DCAF4L2: variants seen among roughly 807,000 people sequenced by gnomAD.
The protein encoded by DCAF4L2 is DDB1 and CUL4 associated factor 4 like 2, also known as DDB1- and CUL4-associated factor 4-like protein 2.
In DCAF4L2, 13 loss-of-function variants were observed where a neutral mutation model predicts 15.5. The ratio of observed to expected loss-of-function variants is 0.84; its 90% CI spans 0.54 to 1.33. DCAF4L2 has a LOEUF of 1.33. Among genes scored for constraint, DCAF4L2 ranks in the 40% most tolerant of loss-of-function variants. The pLI is 0.00. For synonymous variants in DCAF4L2, 251 were observed against 207.0 expected (o/e 1.21, Z -1.83); for missense variants, 519 against 509.6 (o/e 1.02, Z -0.18).
At position 87,872,957 on chromosome 8, in the gene DCAF4L2, T is replaced by G; in HGVS notation, c.1015A>C (p.Arg339=). 11 of 1,614,152 alleles carry G rather than the reference T, an allele frequency of 6.8e-6. No homozygotes were observed. Among genetic ancestry groups the G allele is most frequent in the Non-Finnish European group, 8.5e-6 (10 of 1,180,020 alleles). The change falls in exon 1 of 1, where the codon AGA becomes CGA. Residue 339 remains arginine (R), a synonymous_variant. Transcript: ENST00000319675. ...TGGCCATGACGGAGGCTCCAGATTC[T>G]CGTGTAGCAGTCCTGGCCCACGGCC... ...VAAVGQDCYT[R]IWSLRHGHLL...
At position 87,873,616 on chromosome 8, in the gene DCAF4L2, G is replaced by A. The variant is rs753844924; in HGVS notation, c.356C>T (p.Thr119Ile). 1.9e-6 allele frequency: 3 copies of A among 1,614,204 alleles called. No individual in the cohort carries two copies. The highest frequency in any genetic ancestry group is 8.5e-7 in the Non-Finnish European group (1 of 1,180,044). Residue 119 changes from threonine to isoleucine, a missense_variant, in exon 1 of 1, where the codon ACC becomes ATC. By Grantham distance (89) the Thr-to-Ile change is moderately conservative. Coordinates refer to ENST00000319675, the MANE Select transcript of DCAF4L2 (RefSeq NM_152418.4). The stretch of plus-strand genomic sequence containing the variant: ...CACCTTCCGATTAGGGACGTAGAGG[G>A]TTTTGTGCGGGTATACCCGGAGCTC... ...TPELRVYPHK[T>I]LYVPNRKVNS...
In DCAF4L2 at chr8:87,872,739, T is replaced by C; in HGVS notation, c.*45A>G. The C allele has an allele frequency of 6.6e-7, 1 of 1,515,602 alleles. No individual in the cohort carries two copies. The highest frequency in any genetic ancestry group is 1.4e-5 in the African/African-American group (1 of 71,768). 93.9% of individuals were successfully genotyped at this position (1,515,602 alleles called of 1,614,324 possible). Reference sequence around the variant, plus strand: ...GAAACGGTAATACGATGCTCTTTACTTCTTTAAGTCAAATCCACGTTCCTC... The same window carrying C: ...GAAACGGTAATACGATGCTCTTTACCTCTTTAAGTCAAATCCACGTTCCTC... On this transcript the variant is annotated 3_prime_UTR_variant, in exon 1 of 1. Coordinates refer to ENST00000319675, the MANE Select transcript of DCAF4L2 (RefSeq NM_152418.4).
rs771523691 is a variant in DCAF4L2 at position 87,873,656 on chromosome 8, C to T, written c.316G>A (p.Gly106Ser). 4 of 1,614,166 alleles carry T rather than the reference C, an allele frequency of 2.5e-6. No individual in the cohort carries two copies. The highest frequency in any genetic ancestry group is 2.5e-6 in the Non-Finnish European group (3 of 1,180,040). Residue 106 changes from glycine to serine, a missense_variant, in exon 1 of 1, where the codon GGC becomes AGC. Coordinates refer to ENST00000319675, the MANE Select transcript of DCAF4L2 (RefSeq NM_152418.4). ...ACCCGGAGCTCAGGGGTCGTCAGGC[C>T]TCGCATGGTGATGATGCCGTACTTG... ...GSKYGIITMRGLTTPELRVYP... is the reference protein window; with the variant it reads ...GSKYGIITMRSLTTPELRVYP...
In DCAF4L2 at chr8:87,872,935, C is replaced by T. The variant is rs780634469; in HGVS notation, c.1037G>A (p.Gly346Asp). 3.7e-6 allele frequency: 6 copies of T among 1,614,176 alleles called. No individual in the cohort carries two copies. In the South Asian group the frequency reaches 6.6e-5, roughly 18 times the overall value. ...CYTRIWSLRH[G>D]HLLTTIPSPY... ...GGAGGGTATGGTTGTGAGCAGGTGG[C>T]CATGACGGAGGCTCCAGATTCTCGT... The change falls in exon 1 of 1, where the codon GGC becomes GAC. Residue 346 changes from glycine to aspartate, a missense_variant. By Grantham distance (94) the Gly-to-Asp change is moderately conservative (BLOSUM62 -1). Transcript: ENST00000319675.
Position 87,872,721 on chromosome 8 carries a change from T to C in DCAF4L2, c.*63A>G. The C allele has an allele frequency of 6.8e-7, 1 of 1,474,780 alleles. No individual in the cohort carries two copies. Among genetic ancestry groups the C allele is most frequent in the Admixed American group, 2.4e-5 (1 of 41,676 alleles). The allele number at this position is 1,474,780 out of a possible 1,614,324, so 91.4% of individuals were successfully genotyped here. The stretch of plus-strand genomic sequence containing the variant: ...TCTTAAAATGCGCTCATAGAAACGG[T>C]AATACGATGCTCTTTACTTCTTTAA... On this transcript the variant is annotated 3_prime_UTR_variant, in exon 1 of 1. Transcript: ENST00000319675.
Position 87,873,487 on chromosome 8 carries a change from G to T in DCAF4L2, c.485C>A (p.Ser162Ter), listed in dbSNP as rs748853957. Reference protein sequence around the residue: ...TPSCAVLLPASLFIGSFPGMR... With the variant: ...TPSCAVLLPA ...TCCTGGGAAGCTACCTATGAACAGCGACGCTGGGAGCAGCACGGCACAGCT... is the reference window on the plus strand; with the variant it reads ...TCCTGGGAAGCTACCTATGAACAGCTACGCTGGGAGCAGCACGGCACAGCT... Residue 162 changes from serine (S) to a stop codon, truncating the protein, a stop_gained, in exon 1 of 1, where the codon TCG becomes TAG. Coordinates refer to ENST00000319675, the MANE Select transcript of DCAF4L2 (RefSeq NM_152418.4). LOFTEE classifies it high-confidence loss of function. 6.2e-7 allele frequency: 1 copy of T among 1,614,200 alleles called. No individual in the cohort carries two copies.
chr8:87,871,883 T>C lies in DCAF4L2; in HGVS notation c.*901A>G, dbSNP rs1363569432. ...TTTAGCATATTGTAAAGTGAGATCA[T>C]TTCCAGGCTTTGGCTATTAAGAAGT... On this transcript the variant is annotated 3_prime_UTR_variant, in exon 1 of 1. Coordinates refer to ENST00000319675, the MANE Select transcript of DCAF4L2 (RefSeq NM_152418.4). 1 of 155,718 alleles carries C rather than the reference T, an allele frequency of 6.4e-6. No homozygotes were observed. Among genetic ancestry groups the C allele is most frequent in the East Asian group, 1.9e-4 (1 of 5,188 alleles). The allele number at this position is 155,718 out of a possible 1,614,324, so 9.6% of individuals were successfully genotyped here.
rs907913338 is a variant in DCAF4L2, at chr8:87,872,284, T to C, written c.*500A>G. On this transcript the variant is annotated 3_prime_UTR_variant, in exon 1 of 1. Coordinates refer to ENST00000319675, the MANE Select transcript of DCAF4L2 (RefSeq NM_152418.4). ...AAGGCCAAGTTTAATGATTCCAAAA[T>C]GTAGCCTTAAAAACTTCTGGAGAGA... is the stretch of plus-strand genomic sequence containing the variant. 6.5e-6 allele frequency: 1 copy of C among 154,932 alleles called. No individual in the cohort carries two copies. Among genetic ancestry groups the C allele is most frequent in the Non-Finnish European group, 1.5e-5 (1 of 68,312 alleles). The allele number at this position is 154,932 out of a possible 1,614,324, so 9.6% of individuals were successfully genotyped here.
rs199898936 is a variant in DCAF4L2 at position 87,873,087 on chromosome 8, C to T, written c.885G>A (p.Lys295=). 1 of 1,614,166 alleles carries T rather than the reference C, an allele frequency of 6.2e-7. No homozygotes were observed. Among genetic ancestry groups the T allele is most frequent in the Non-Finnish European group, 8.5e-7 (1 of 1,180,044 alleles). The change falls in exon 1 of 1, where the codon AAG becomes AAA. Residue 295 remains lysine (K), a synonymous_variant. Coordinates refer to ENST00000319675, the MANE Select transcript of DCAF4L2 (RefSeq NM_152418.4). ...LVSSDMTGTI[K]LWDLRATKCV... is the part of the protein sequence containing the mutation. Reference sequence around the variant, plus strand: ...ATTTAGTGGCCCTCAAGTCCCACAGCTTGATAGTTCCAGTCATGTCTGATG... The same window carrying T: ...ATTTAGTGGCCCTCAAGTCCCACAGTTTGATAGTTCCAGTCATGTCTGATG...
In DCAF4L2 at chr8:87,873,313, G is replaced by A. The variant is rs180807114; in HGVS notation, c.659C>T (p.Ser220Leu). 8 of 1,614,170 alleles carry A rather than the reference G, an allele frequency of 5.0e-6. No individual in the cohort carries two copies. The Admixed American group carries it at 1.2e-4, about 24-fold the overall frequency. ...LTNVVTGHQQSFGTSSDVLAQ... is the reference protein window; with the variant it reads ...LTNVVTGHQQLFGTSSDVLAQ... ...CAAGACATCACTGCTAGTCCCAAAT[G>A]ACTGCTGGTGTCCCGTCACCACGTT... Residue 220 changes from serine (S) to leucine (L), a missense_variant, in exon 1 of 1, where the codon TCA becomes TTA. Ser to Leu is a moderately radical substitution (Grantham distance 145). Coordinates refer to ENST00000319675, the MANE Select transcript of DCAF4L2 (RefSeq NM_152418.4).
Position 87,873,225 on chromosome 8 carries a change from A to G in DCAF4L2, c.747T>C (p.Phe249=). 6.2e-7 allele frequency: 1 copy of G among 1,614,164 alleles called. No individual in the cohort carries two copies. The highest frequency in any genetic ancestry group is 8.5e-7 in the Non-Finnish European group (1 of 1,180,030). The change falls in exon 1 of 1, where the codon TTT becomes TTC. Residue 249 remains phenylalanine (F), a synonymous_variant. Coordinates refer to ENST00000319675, the MANE Select transcript of DCAF4L2 (RefSeq NM_152418.4). Reference sequence around the variant, plus strand: ...GATTTCCACAGCGCAGATCAATGCCAAAGATCTCCCCAGAGCGACAGCCAT... The same window carrying G: ...GATTTCCACAGCGCAGATCAATGCCGAAGATCTCCCCAGAGCGACAGCCAT... ...LFNGCRSGEI[F]GIDLRCGNQG... is the part of the protein sequence containing the mutation.
rs1287205017 is a variant in DCAF4L2 at position 87,873,543 on chromosome 8, C to T, written c.429G>A (p.Leu143=). 6.2e-7 allele frequency: 1 copy of T among 1,614,194 alleles called. No homozygotes were observed. Among genetic ancestry groups the T allele is most frequent in the Admixed American group, 1.7e-5 (1 of 60,032 alleles). Residue 143 remains leucine (L), a synonymous_variant, in exon 1 of 1, where the codon CTG becomes CTA. Coordinates refer to ENST00000319675, the MANE Select transcript of DCAF4L2 (RefSeq NM_152418.4). The stretch of plus-strand genomic sequence containing the variant: ...TATCTGCAAGTCCCACGAAGCACAG[C>T]AGAAGGTGGGAATCCAAGTGATTCA... The part of the protein sequence containing the change: ...ASLNHLDSHL[L]LCFVGLADTP...
In DCAF4L2 at chr8:87,873,516, A is replaced by G. The variant is rs150638620; in HGVS notation, c.456T>C (p.Thr152=). 1.9e-4 allele frequency: 303 copies of G among 1,614,196 alleles called. 3 individuals carry two copies. In the Middle Eastern group the frequency reaches 2.1e-3, roughly 11 times the overall value. Reference sequence around the variant, plus strand: ...CTGGGAGCAGCACGGCACAGCTTGGAGTATCTGCAAGTCCCACGAAGCACA... The same window carrying G: ...CTGGGAGCAGCACGGCACAGCTTGGGGTATCTGCAAGTCCCACGAAGCACA... ...LLLCFVGLAD[T]PSCAVLLPAS... is the part of the protein sequence containing the mutation. Residue 152 remains threonine (T), a synonymous_variant, in exon 1 of 1, where the codon ACT becomes ACC. Transcript: ENST00000319675.
In DCAF4L2 at chr8:87,873,859, C is replaced by A. The variant is rs780696232; in HGVS notation, c.113G>T (p.Arg38Ile). The A allele has an allele frequency of 1.9e-5, 31 of 1,614,022 alleles. No homozygotes were observed. Among genetic ancestry groups the A allele is most frequent in the Admixed American group, 5.0e-5 (3 of 60,004 alleles). Residue 38 changes from arginine (R) to isoleucine (I), a missense_variant, in exon 1 of 1, where the codon AGA becomes ATA. Coordinates refer to ENST00000319675, the MANE Select transcript of DCAF4L2 (RefSeq NM_152418.4). ...MLRKNQLGFL[R>I]FANYCRIARE... ...AGCTATACGGCAATAGTTGGCGAAT[C>A]TGAGGAAACCTAGCTGGTTCTTTCG...
In DCAF4L2 at chr8:87,873,784, C is replaced by G. The variant is rs760834785; in HGVS notation, c.188G>C (p.Ser63Thr). 6.2e-7 allele frequency: 1 copy of G among 1,614,134 alleles called. No homozygotes were observed. Among genetic ancestry groups the G allele is most frequent in the East Asian group, 2.2e-5 (1 of 44,842 alleles). ...CMQRKKVQIH[S>T]WDPSSLASDR... is the part of the protein sequence containing the mutation. The stretch of plus-strand genomic sequence containing the variant: ...GCTTGCCAAAGAGGAGGGATCCCAG[C>G]TATGAATCTGGACCTTTTTCCTCTG... Residue 63 changes from serine to threonine, a missense_variant, in exon 1 of 1, where the codon AGC (serine) becomes ACC (threonine). Transcript: ENST00000319675.
rs917419250 is a variant in DCAF4L2 at position 87,873,397 on chromosome 8, A to C, written c.575T>G (p.Leu192Arg). Residue 192 changes from leucine (L) to arginine (R), a missense_variant, in exon 1 of 1, where the codon CTG becomes CGG. Transcript: ENST00000319675. The part of the protein sequence containing the change: ...IPDAWSCAWS[L>R]SIHAYHSFST... ...GAAAGAGTGATACGCGTGGATGCTC[A>C]GGGACCAGGCACAGGACCAGGCATC... is the stretch of plus-strand genomic sequence containing the variant. 3 of 1,614,092 alleles carry C rather than the reference A, an allele frequency of 1.9e-6. No homozygotes were observed. The highest frequency in any genetic ancestry group is 2.5e-6 in the Non-Finnish European group (3 of 1,180,040).
rs953610557 is a variant in DCAF4L2 at position 87,871,735 on chromosome 8, C to T, written c.*1049G>A. 9 of 152,126 alleles carry T rather than the reference C, an allele frequency of 5.9e-5. No individual in the cohort carries two copies. Among genetic ancestry groups the T allele is most frequent in the African/African-American group, 2.2e-4 (9 of 41,428 alleles). The allele number at this position is 152,126 out of a possible 1,614,324, so 9.4% of individuals were successfully genotyped here. On this transcript the variant is annotated 3_prime_UTR_variant, in exon 1 of 1. Transcript: ENST00000319675. ...CTTTAGAACTGAATCAGTTTGTACT[C>T]ATTTCTACCTACATTTACAATCAAC...
At position 87,873,090 on chromosome 8, in the gene DCAF4L2, G is replaced by C. The variant is rs1452602358; in HGVS notation, c.882C>G (p.Ile294Met). 14 of 1,614,062 alleles carry C rather than the reference G, an allele frequency of 8.7e-6. No homozygotes were observed. The highest frequency in any genetic ancestry group is 8.5e-6 in the Non-Finnish European group (10 of 1,180,044). The change falls in exon 1 of 1, where the codon ATC (isoleucine) becomes ATG (methionine). Residue 294 changes from isoleucine (I) to methionine (M), a missense_variant. Physicochemically the swap from Ile to Met is conservative, Grantham distance 10. Transcript: ENST00000319675. ...FLVSSDMTGT[I>M]KLWDLRATKC... ...TAGTGGCCCTCAAGTCCCACAGCTTGATAGTTCCAGTCATGTCTGATGACA... is the reference window on the plus strand; with the variant it reads ...TAGTGGCCCTCAAGTCCCACAGCTTCATAGTTCCAGTCATGTCTGATGACA...
At position 87,873,040 on chromosome 8, in the gene DCAF4L2, T is replaced by G; in HGVS notation, c.932A>C (p.His311Pro). ...ATKCVTQYEG[H>P]VNNSAYLPVH... ...GGGTAGGTAGGCGGAGTTATTCACA[T>G]GACCTTCGTACTGTGTTACACATTT... Residue 311 changes from histidine to proline, a missense_variant, in exon 1 of 1, where the codon CAT (histidine) becomes CCT (proline). His to Pro is a moderately conservative substitution (Grantham distance 77). Transcript: ENST00000319675. 1 of 1,614,184 alleles carries G rather than the reference T, an allele frequency of 6.2e-7. No individual in the cohort carries two copies.
Sources: gnomAD v4.1 joint callset for allele counts on GRCh38, gnomAD v4.1.1 for gene constraint, MANE v1.5 for transcripts, NCBI Gene and HGNC (gene_info 2026-07-23, HGNC 2026-07-21) for gene names.